SPDEF: variants seen among roughly 807,000 people sequenced by gnomAD.
The protein encoded by SPDEF is SAM pointed domain containing ETS transcription factor, also known as SAM pointed domain-containing Ets transcription factor.
SPDEF carries 12 observed loss-of-function variants against 36.0 expected under a neutral mutation model. That is an observed-to-expected ratio of 0.33 (90% confidence interval 0.21 to 0.54). SPDEF has a LOEUF of 0.54. Among genes scored for constraint, SPDEF ranks in the 20% least tolerant of loss-of-function variants. SPDEF has a pLI of 0.93. For synonymous variants in SPDEF, 205 were observed against 193.0 expected, an observed-to-expected ratio of 1.06 and a Z score of -0.51; for missense variants, 388 against 456.9, an observed-to-expected ratio of 0.85 and a Z score of 1.37.
rs548761944 is a variant in SPDEF at position 34,539,545 on chromosome 6, G to T, written c.652C>A (p.Arg218=). The part of the protein sequence containing the change: ...IWKSAAWMKE[R]TSPGAIHYCA... ...TAGTGAATCGCCCCAGGTGAAGTCC[G>T]CTCTTTCATCCAGGCCGCTGCAGGG... is the stretch of plus-strand genomic sequence containing the variant. Residue 218 remains arginine (R), a synonymous_variant, in exon 4 of 6, where the codon CGG becomes AGG. Transcript: ENST00000374037. The surrounding 1 kb of genome is among the most constrained non-coding windows in gnomAD (Gnocchi z 5.2). The T allele has an allele frequency of 2.5e-6, 4 of 1,572,192 alleles. No homozygotes were observed. The highest frequency in any genetic ancestry group is 3.4e-6 in the Non-Finnish European group (4 of 1,159,566).
intron 1 of SPDEF, among the ~76,000 whole-genome samples, chr6:34,550,516 C>T (rs1768037354): frequency 6.6e-6 from 1 of 152,224 alleles, no homozygotes; most frequent in South Asian, 2.1e-4. Context: ...AGGGAGGTGA[C>T]TGAGTGAGAG....
intron 1 of SPDEF, among the ~76,000 whole-genome samples, chr6:34,545,645 C>T (rs569160437): frequency 9.8e-4 from 150 of 152,334 alleles, no homozygotes; most frequent in African/African-American, 3.4e-3. Context: ...TGCAGTAGCT[C>T]GTGACTGTAA....
In SPDEF at chr6:34,544,180, C is replaced by T. The variant is rs377537895; in HGVS notation, c.276G>A (p.Gln92=). 425 of 1,613,726 alleles carry T rather than the reference C, an allele frequency of 2.6e-4. 1 individual carries two copies. Among genetic ancestry groups the T allele is most frequent in the Middle Eastern group, 1.8e-3 (11 of 6,082 alleles). The change falls in exon 2 of 6, where the codon CAG becomes CAA. Residue 92 remains glutamine (Q), a synonymous_variant. Transcript: ENST00000374037. The surrounding 1 kb of genome is among the most constrained non-coding windows in gnomAD (Gnocchi z 4.4). Reference sequence around the variant, plus strand: ...GGGCTTGGCTGTCAATGACCGGGCACTGCTCAGGCTCCTCAGGTGGCTCCT... The same window carrying T: ...GGGCTTGGCTGTCAATGACCGGGCATTGCTCAGGCTCCTCAGGTGGCTCCT... ...SREEPPEEPE[Q]CPVIDSQAPA...
chr6:34,540,193 A>G (rs1581995802), intron 3 of SPDEF, among the ~76,000 whole-genome samples: 1 of 152,240 alleles, frequency 6.6e-6, no homozygotes, highest in Middle Eastern at 3.4e-3. Context: ...TCAGCTACTC[A>G]GGAGATTGGG....
chr6:34,549,827 C>T (rs1044822087), intron 1 of SPDEF, among the ~76,000 whole-genome samples: 1 of 152,212 alleles, frequency 6.6e-6, no homozygotes, highest in African/African-American at 2.4e-5. Flanking sequence ...GCTGCTCAGC[C>T]CCCAGCCGGC....
At chr6:34,545,597 G>T (rs921446683) in intron 1 of SPDEF, among the ~76,000 whole-genome samples, 2 of 152,252 alleles carry the variant, frequency 1.3e-5, no homozygotes, top group Admixed American at 1.3e-4. Flanking sequence ...CAGTGATGTG[G>T]GGGCCTGAGA....
intron 2 of SPDEF, among the ~76,000 whole-genome samples, chr6:34,542,732 A>T (rs1040560511): frequency 3.9e-5 from 6 of 152,010 alleles, no homozygotes; most frequent in Non-Finnish European, 4.4e-5. Flanking sequence ...TCTACTAAAA[A>T]TATAAAAATT....
At chr6:34,545,238 C>A (rs1767926927) in intron 1 of SPDEF, among the ~76,000 whole-genome samples, 1 of 152,244 alleles carries the variant, frequency 6.6e-6, no homozygotes, top group African/African-American at 2.4e-5. Context: ...GCTCCCAGTG[C>A]TCTCTACTTT....
chr6:34,539,713 C>T lies in SPDEF; in HGVS notation c.635-151G>A. ...CCTGCCTCCTGCCAACCTGGGGAGG[C>T]AAGCTGGTTACAAGAAGCTGCTTCC... On this transcript the variant is annotated intron_variant, in intron 3 of 5. Coordinates refer to ENST00000374037, the MANE Select transcript of SPDEF (RefSeq NM_012391.3). The surrounding 1 kb of genome is among the most constrained non-coding windows in gnomAD (Gnocchi z 5.2). 1.1e-6 allele frequency: 1 copy of T among 873,158 alleles called. No homozygotes were observed. Among genetic ancestry groups the T allele is most frequent in the Non-Finnish European group, 1.8e-6 (1 of 540,672 alleles). The allele number at this position is 873,158 out of a possible 1,614,324, so 54.1% of individuals were successfully genotyped here.
rs1477559343 is a variant in SPDEF, at chr6:34,544,786, A to T, written c.-29-302T>A. Among the ~76,000 whole-genome samples the T allele has an allele frequency of 6.6e-6, 1 of 152,212 alleles. No individual in the cohort carries two copies. Among genetic ancestry groups the T allele is most frequent in the African/African-American group, 2.4e-5 (1 of 41,450 alleles). On this transcript the variant is annotated intron_variant, in intron 1 of 5. Coordinates refer to ENST00000374037, the MANE Select transcript of SPDEF (RefSeq NM_012391.3). This position sits in a 1 kb window ranked among gnomAD's most constrained non-coding sequence, Gnocchi z 4.4. Reference sequence around the variant, plus strand: ...GTACTGTGCTTAAAACAGCCTTCTGAGGTTCCTGACCTCATTCAGCCCTCA... The same window carrying T: ...GTACTGTGCTTAAAACAGCCTTCTGTGGTTCCTGACCTCATTCAGCCCTCA...
chr6:34,539,343 C>A lies in SPDEF; in HGVS notation c.736G>T (p.Gly246Trp). The change falls in exon 5 of 6, where the codon GGG becomes TGG. Residue 246 changes from glycine to tryptophan, a missense_variant. Gly to Trp is a radical substitution (Grantham distance 184). Transcript: ENST00000374037. This position sits in a 1 kb window ranked among gnomAD's most constrained non-coding sequence, Gnocchi z 5.2. The stretch of plus-strand genomic sequence containing the variant: ...AACTGCCACAGGTGGATGGGCTGCC[C>A]GGAGCATGATGAGTCCACCTCGCTG... ...TDSEVDSSCS[G>W]QPIHLWQFLK... 6.2e-7 allele frequency: 1 copy of A among 1,613,876 alleles called. No individual in the cohort carries two copies. Among genetic ancestry groups the A allele is most frequent in the Non-Finnish European group, 8.5e-7 (1 of 1,180,032 alleles).
intron 2 of SPDEF, 23 bp from the exon 3 acceptor site, chr6:34,541,204 G>A: frequency 6.4e-7 from 1 of 1,569,824 alleles, no homozygotes; most frequent in East Asian, 2.3e-5. Context: ...CATCCCCTCA[G>A]CTCAGGGGTG....
In SPDEF at chr6:34,544,772, A is replaced by G. The variant is rs1289902679; in HGVS notation, c.-29-288T>C. Among the ~76,000 whole-genome samples the G allele has an allele frequency of 6.6e-6, 1 of 152,234 alleles. No homozygotes were observed. The highest frequency in any genetic ancestry group is 1.5e-5 in the Non-Finnish European group (1 of 68,036). ...AAAGCTCCACACATGTACTGTGCTTAAAACAGCCTTCTGAGGTTCCTGACC... is the reference window on the plus strand; with the variant it reads ...AAAGCTCCACACATGTACTGTGCTTGAAACAGCCTTCTGAGGTTCCTGACC... On this transcript the variant is annotated intron_variant, in intron 1 of 5. Coordinates refer to ENST00000374037, the MANE Select transcript of SPDEF (RefSeq NM_012391.3). This position sits in a 1 kb window ranked among gnomAD's most constrained non-coding sequence, Gnocchi z 4.4.
intron 3 of SPDEF, among the ~76,000 whole-genome samples, chr6:34,540,678 A>C (rs1302083931): frequency 2.6e-5 from 4 of 152,176 alleles, no homozygotes; most frequent in Non-Finnish European, 5.9e-5. Flanking sequence ...AAAAGGAAAA[A>C]GGACTTCCTA....
At chr6:34,543,924 G>A in intron 2 of SPDEF, 96 bp downstream of exon 2, 19 of 1,243,668 alleles carry the variant, frequency 1.5e-5, no homozygotes, top group Non-Finnish European at 2.1e-5. Flanking sequence ...GGCCAGAGGT[G>A]GCCAGAGTCC....
At chr6:34,551,571 G>A (rs1768063540) in intron 1 of SPDEF, among the ~76,000 whole-genome samples, 1 of 152,190 alleles carries the variant, frequency 6.6e-6, no homozygotes. Flanking sequence ...TGGCTTTGGG[G>A]ACTTAAAGAA....
intron 2 of SPDEF, among the ~76,000 whole-genome samples, chr6:34,542,687 G>C (rs947004540): frequency 6.6e-6 from 1 of 152,056 alleles, no homozygotes; most frequent in Non-Finnish European, 1.5e-5. Flanking sequence ...TCAGAAGTTC[G>C]AGACCAGCCT....
In SPDEF at chr6:34,554,817, C is replaced by T. The variant is rs549883909; in HGVS notation, c.-30+1112G>A. Among the ~76,000 whole-genome samples the T allele has an allele frequency of 8.6e-4, 131 of 152,322 alleles. 1 individual carries two copies. The highest frequency in any genetic ancestry group is 7.3e-3 in the Admixed American group (112 of 15,304). On this transcript the variant is annotated intron_variant, in intron 1 of 5. Transcript: ENST00000374037. ...GCTTGGGCCTGGGGCAGCCTGGACG[C>T]CTGTTTGCTTTGTTACTCAGCTGAG...
chr6:34,555,057 C>T lies in SPDEF; in HGVS notation c.-30+872G>A, dbSNP rs376625718. ...TGCCCCTCCCCAACATGCACACACA[C>T]GCACACACACATGCACATGCAACAC... On this transcript the variant is annotated intron_variant, in intron 1 of 5. Coordinates refer to ENST00000374037, the MANE Select transcript of SPDEF (RefSeq NM_012391.3). This position sits in a 1 kb window ranked among gnomAD's most constrained non-coding sequence, Gnocchi z 5.2. Among the ~76,000 whole-genome samples, 17 of 152,068 alleles carry T rather than the reference C, an allele frequency of 1.1e-4. No individual in the cohort carries two copies. The highest frequency in any genetic ancestry group is 1.6e-4 in the Non-Finnish European group (11 of 67,968).
Sources: gnomAD v4.1 joint callset for allele counts (sites outside exome capture counted in the v4.1 genomes callset) on GRCh38, gnomAD v4.1.1 for gene constraint, Gnocchi (gnomAD v3.1) non-coding constraint, MANE v1.5 for transcripts, NCBI Gene and HGNC (gene_info 2026-07-23, HGNC 2026-07-21) for gene names.